The following SAE1 variants were observed in gnomAD, a reference collection of about 807,000 sequenced individuals.
The protein encoded by SAE1 is SUMO-activating enzyme subunit 1.
Under a neutral mutation model 40.6 loss-of-function variants are expected in SAE1, and 11 were observed. The ratio of observed to expected loss-of-function variants is 0.27; its 90% CI spans 0.17 to 0.45. SAE1 has a LOEUF of 0.45. SAE1 is among the 20% of genes least tolerant of loss of function. SAE1 has a pLI of 1.00. For synonymous variants in SAE1, 155 were observed against 154.3 expected (o/e 1.00, Z -0.03); for missense variants, 373 against 427.3 (o/e 0.87, Z 1.12).
intron 6 of SAE1, among the ~76,000 whole-genome samples, chr19:47,182,097 T>A (rs1048754633): frequency 7.2e-5 from 11 of 152,068 alleles, no homozygotes; most frequent in Non-Finnish European, 1.5e-4. Flanking sequence ...GTTAGATAAT[T>A]TAGAAAATTT....
At chr19:47,154,351 A>G (rs2058306767) in intron 4 of SAE1, among the ~76,000 whole-genome samples, 1 of 151,782 alleles carries the variant, frequency 6.6e-6, no homozygotes, top group Non-Finnish European at 1.5e-5. Context: ...TCAGCTTCAC[A>G]AAGTACTAGG....
chr19:47,181,524 G>A (rs1600194088), intron 6 of SAE1, among the ~76,000 whole-genome samples: 1 of 115,726 alleles, frequency 8.6e-6, no homozygotes, highest in Non-Finnish European at 1.6e-5. Flanking sequence ...TGTCGCCCAT[G>A]CTGGAGTGCA....
chr19:47,168,047 G>A (rs950965824), intron 5 of SAE1, among the ~76,000 whole-genome samples: 4 of 152,074 alleles, frequency 2.6e-5, no homozygotes, highest in Non-Finnish European at 4.4e-5. Context: ...ACAAAAATTA[G>A]CTGGGCGTGG....
intron 2 of SAE1, among the ~76,000 whole-genome samples, chr19:47,145,703 C>A (rs1568587446): frequency 6.6e-6 from 1 of 152,160 alleles, no homozygotes; most frequent in South Asian, 2.1e-4. Context: ...GCCTCAGCTT[C>A]CCTAGTAGCT....
intron 6 of SAE1, among the ~76,000 whole-genome samples, chr19:47,193,344 A>C (rs1053383944): frequency 2.2e-4 from 34 of 152,060 alleles, no homozygotes; most frequent in African/African-American, 7.5e-4. Context: ...TACAGGCATG[A>C]GCCACCACAC....
chr19:47,203,645 A>G (rs768834184), intron 7 of SAE1, 26 bp from the exon 8 acceptor site: 1 of 1,609,250 alleles, frequency 6.2e-7, no homozygotes. Context: ...CCAGTGCTCC[A>G]TTTTCCTTGT....
Position 47,143,613 on chromosome 19 carries a change from G to T in SAE1, c.210+8G>T. On this transcript the variant is annotated splice_region_variant and intron_variant, in intron 2 of 8. Coordinates refer to ENST00000270225, the MANE Select transcript of SAE1 (RefSeq NM_005500.3). Reference sequence around the variant, plus strand: ...ATGCTGGATCACGAACAGGTGCGCTGTTGTGAGCTCATTCCTCCCCTGCTC... The same window carrying T: ...ATGCTGGATCACGAACAGGTGCGCTTTTGTGAGCTCATTCCTCCCCTGCTC... 1.3e-6 allele frequency: 2 copies of T among 1,596,158 alleles called. No individual in the cohort carries two copies. Among genetic ancestry groups the T allele is most frequent in the Non-Finnish European group, 1.7e-6 (2 of 1,163,688 alleles).
At chr19:47,204,126 C>G (rs1018913091) in intron 8 of SAE1, among the ~76,000 whole-genome samples, 5 of 151,090 alleles carry the variant, frequency 3.3e-5, no homozygotes, top group Non-Finnish European at 5.9e-5. Flanking sequence ...GACTCCAGAA[C>G]CTGTGCTCTT....
At chr19:47,162,618 T>C (rs1219386849) in intron 5 of SAE1, among the ~76,000 whole-genome samples, 2 of 152,172 alleles carry the variant, frequency 1.3e-5, no homozygotes, top group Admixed American at 1.3e-4. Context: ...CCCAGGAATT[T>C]TGATTGGGTA....
intron 5 of SAE1, among the ~76,000 whole-genome samples, chr19:47,161,362 A>G (rs1300844861): frequency 2.6e-5 from 4 of 152,134 alleles, no homozygotes; most frequent in African/African-American, 9.7e-5. Flanking sequence ...ATGCAGCATC[A>G]ATGCAGATAA....
chr19:47,164,639 C>CTTT lies in SAE1; in HGVS notation c.628-5154_628-5152dup, dbSNP rs1166301382. 2.4e-3 allele frequency among the ~76,000 whole-genome samples: 191 copies of CTTT among 78,390 alleles called. 34 individuals are homozygous for CTTT. The highest frequency in any genetic ancestry group is 0.022 in the East Asian group (57 of 2,588). 51.4% of individuals were successfully genotyped at this position (78,390 alleles called of 152,430 possible). On this transcript the variant is annotated intron_variant, in intron 5 of 8. Transcript: ENST00000270225. ...TTGATGGGCTATGTGGAGAATTCAC[C>CTTT]TTTTTTTTTTTTTTTTTTTTTTTTT...
At chr19:47,140,730 G>T (rs560377878) in intron 1 of SAE1, among the ~76,000 whole-genome samples, 11 of 152,168 alleles carry the variant, frequency 7.2e-5, no homozygotes, top group Non-Finnish European at 1.5e-4. Flanking sequence ...GGGAGGTTGA[G>T]GCTGCAGCGA....
intron 6 of SAE1, among the ~76,000 whole-genome samples, chr19:47,171,903 A>AT (rs147910209): frequency 0.049 from 7,397 of 151,362 alleles, 225 homozygotes; most frequent in Non-Finnish European, 0.073. Flanking sequence ...TTTAAAAAGT[A>AT]TTTTTTTTAA....
chr19:47,181,248 G>A lies in SAE1; in HGVS notation c.733+11325G>A, dbSNP rs534001846. Among the ~76,000 whole-genome samples the A allele has an allele frequency of 5.3e-5, 8 of 152,030 alleles. No individual in the cohort carries two copies. In the East Asian group the frequency reaches 5.8e-4, roughly 11 times the overall value. On this transcript the variant is annotated intron_variant, in intron 6 of 8. Transcript: ENST00000270225. ...GGAGAATCGCTTGAACCCAGGAGGCGGAGGTTGTGGTGAGCCGAGATCGCG... is the reference window on the plus strand; with the variant it reads ...GGAGAATCGCTTGAACCCAGGAGGCAGAGGTTGTGGTGAGCCGAGATCGCG...
At chr19:47,209,013 T>C (rs1304910484) in intron 8 of SAE1, 146 bp from the exon 9 acceptor site, 3 of 644,762 alleles carry the variant, frequency 4.7e-6, no homozygotes, top group Non-Finnish European at 8.1e-6. Flanking sequence ...CAATCAAAAT[T>C]GTCTCCAGAC....
At chr19:47,168,181 G>T (rs1051065072) in intron 5 of SAE1, among the ~76,000 whole-genome samples, 12 of 151,898 alleles carry the variant, frequency 7.9e-5, no homozygotes, top group African/African-American at 2.9e-4. Flanking sequence ...GACAGAGGGG[G>T]AGACTGTCTG....
At chr19:47,164,450 A>G (rs2058377838) in intron 5 of SAE1, among the ~76,000 whole-genome samples, 1 of 151,884 alleles carries the variant, frequency 6.6e-6, no homozygotes, top group Non-Finnish European at 1.5e-5. Flanking sequence ...TACAGGCATG[A>G]GCCACCACGT....
At chr19:47,204,762 C>A (rs1451772609) in intron 8 of SAE1, among the ~76,000 whole-genome samples, 1 of 152,062 alleles carries the variant, frequency 6.6e-6, no homozygotes, top group Non-Finnish European at 1.5e-5. Flanking sequence ...TCCCAAAGTG[C>A]TGGGATTATA....
chr19:47,200,084 C>G (rs1430278351), intron 7 of SAE1, among the ~76,000 whole-genome samples: 1 of 152,032 alleles, frequency 6.6e-6, no homozygotes, highest in African/African-American at 2.4e-5. Context: ...GCGCCCGCCA[C>G]CACGCCCAGC....
Sources: allele counts gnomAD v4.1 joint callset (sites outside exome capture counted in the v4.1 genomes callset), GRCh38; gene constraint gnomAD v4.1.1; transcripts MANE v1.5; gene names NCBI Gene and HGNC (gene_info 2026-07-23, HGNC 2026-07-21).